RASA1: variants seen among roughly 807,000 people sequenced by gnomAD.
RASA1 encodes RAS p21 protein activator 1, also known as ras GTPase-activating protein 1.
In RASA1, 25 loss-of-function variants were observed where a neutral mutation model predicts 132.2. That is an observed-to-expected ratio of 0.19 (90% confidence interval 0.14 to 0.26). RASA1 has a LOEUF of 0.26. RASA1 is among the 10% of genes least tolerant of loss of function. The pLI is 1.00. For synonymous variants in RASA1, 477 were observed against 449.9 expected (o/e 1.06, Z -0.76); for missense variants, 964 against 1,299.2 (o/e 0.74, Z 3.97).
At chr5:87,344,167 T>C (rs1336846197) in intron 6 of RASA1, among the ~76,000 whole-genome samples, 1 of 152,066 alleles carries the variant, frequency 6.6e-6, no homozygotes, top group East Asian at 1.9e-4. Context: ...TATTTAAAAA[T>C]AACTAAAAGA....
intron 1 of RASA1, among the ~76,000 whole-genome samples, chr5:87,298,299 C>T (rs575094695): frequency 1.3e-3 from 192 of 151,660 alleles, no homozygotes; most frequent in African/African-American, 4.3e-3. Flanking sequence ...GTCCCAGCTA[C>T]TCGGGAGGCT....
At chr5:87,285,032 CCATTTATTTATTTATT>C (rs1561254670) in intron 1 of RASA1, among the ~76,000 whole-genome samples, 3 of 136,682 alleles carry the variant, frequency 2.2e-5, no homozygotes, top group Non-Finnish European at 4.7e-5. Flanking sequence ...GATAATGGTA[CCATTTATTTATTTATT>C]TATTTATTTA....
At chr5:87,375,282 T>TG (rs1335914197) in intron 15 of RASA1, among the ~76,000 whole-genome samples, 3 of 152,066 alleles carry the variant, frequency 2.0e-5, no homozygotes, top group Non-Finnish European at 4.4e-5. Flanking sequence ...TCTTTTGAGA[T>TG]GGAGTCTTGC....
At chr5:87,378,238 T>G (rs1249286693) in intron 17 of RASA1, among the ~76,000 whole-genome samples, 158 bp from the exon 18 acceptor site, 1 of 152,212 alleles carries the variant, frequency 6.6e-6, no homozygotes, top group Admixed American at 6.5e-5. Context: ...TCTGTAGAAG[T>G]ATAGGATGTC....
In RASA1 at chr5:87,335,482, A is replaced by G. The variant is rs574412679; in HGVS notation, c.899+2145A>G. 4.4e-5 allele frequency among the ~76,000 whole-genome samples: 6 copies of G among 135,888 alleles called. No individual in the cohort carries two copies. In the South Asian group the frequency reaches 6.9e-4, roughly 16 times the overall value. 89.1% of individuals were successfully genotyped at this position (135,888 alleles called of 152,430 possible). ...CTCTTGTCACCCAGGCTGGAGTGCA[A>G]TGGTGCCATCTTGGGTCACTGCAAC... is the stretch of plus-strand genomic sequence containing the variant. On this transcript the variant is annotated intron_variant, in intron 4 of 24. Coordinates refer to ENST00000274376, the MANE Select transcript of RASA1 (RefSeq NM_002890.3).
At chr5:87,358,760 A>G (rs1445801240) in intron 9 of RASA1, among the ~76,000 whole-genome samples, 2 of 152,100 alleles carry the variant, frequency 1.3e-5, no homozygotes, top group African/African-American at 4.8e-5. Flanking sequence ...TCTTCCTACT[A>G]TCCTCCTGCC....
In RASA1 at chr5:87,390,841, A is replaced by G. The variant is rs1462232114; in HGVS notation, c.3102A>G (p.Gln1034=). The change falls in exon 25 of 25, where the codon CAA becomes CAG. Residue 1034 remains glutamine (Q), a synonymous_variant. Coordinates refer to ENST00000274376, the MANE Select transcript of RASA1 (RefSeq NM_002890.3). ...KKLLAITELL[Q]QKQNQYTKTN... ...TTCTGGCTATAACAGAACTGCTTCA[A>G]CAAAAACAAAACCAGTATACAAAAA... is the stretch of plus-strand genomic sequence containing the variant. The G allele has an allele frequency of 1.9e-6, 3 of 1,613,756 alleles. No individual in the cohort carries two copies. The Admixed American group carries it at 5.0e-5, about 27-fold the overall frequency.
At chr5:87,357,610 C>T (rs1759748826) in intron 9 of RASA1, among the ~76,000 whole-genome samples, 1 of 152,032 alleles carries the variant, frequency 6.6e-6, no homozygotes, top group Admixed American at 6.6e-5. Flanking sequence ...GAGGCTGAGG[C>T]AGGAGAATCG....
chr5:87,369,659 C>CT (rs955599038), intron 11 of RASA1, among the ~76,000 whole-genome samples, 154 bp from the exon 12 acceptor site: 12 of 151,436 alleles, frequency 7.9e-5, no homozygotes, highest in Non-Finnish European at 1.3e-4. Context: ...ATATAGCTGA[C>CT]TTTTTTTTAG....
chr5:87,312,921 T>C (rs575108206), intron 1 of RASA1, among the ~76,000 whole-genome samples: 1 of 152,362 alleles, frequency 6.6e-6, no homozygotes, highest in South Asian at 2.1e-4. Flanking sequence ...TTCAGGTGTT[T>C]ATCAGGGAAT....
rs1417225762 is a variant in RASA1, at chr5:87,363,328, CAA to C, written c.1454-19_1454-18del. ...TCACAATTGTTTGGCTAAGAGAAAA[CAA>C]TTTTTTTTTTTAAACAGGCAAAGGA... On this transcript the variant is annotated intron_variant, in intron 10 of 24. Transcript: ENST00000274376. 5.1e-6 allele frequency: 8 copies of C among 1,575,542 alleles called. No individual in the cohort carries two copies. The highest frequency in any genetic ancestry group is 2.3e-5 in the East Asian group (1 of 44,334).
intron 16 of RASA1, 72 bp downstream of exon 16, chr5:87,376,637 TTAAGG>T (rs368754138): frequency 8.5e-6 from 13 of 1,532,030 alleles, no homozygotes; most frequent in Non-Finnish European, 1.1e-5. Context: ...AAAAGATCCA[TTAAGG>T]TAAACATAGT....
At position 87,268,593 on chromosome 5, in the gene RASA1, C is replaced by G. The variant is rs751164456; in HGVS notation, c.142C>G (p.Pro48Ala). 3 of 1,610,884 alleles carry G rather than the reference C, an allele frequency of 1.9e-6. No homozygotes were observed. Among genetic ancestry groups the G allele is most frequent in the Non-Finnish European group, 2.5e-6 (3 of 1,179,166 alleles). ...CGCGGCCCTGCCTGTGGCAGCCGCC[C>G]CCTATCCTGGGCTGGTGGAGACCGG... ...IPAALPVAAA[P>A]YPGLVETGVA... The change falls in exon 1 of 25, where the codon CCC (proline) becomes GCC (alanine). Residue 48 changes from proline to alanine, a missense_variant. Physicochemically the swap from Pro to Ala is conservative, Grantham distance 27. Transcript: ENST00000274376.
At chr5:87,333,962 T>C (rs1247963486) in intron 4 of RASA1, among the ~76,000 whole-genome samples, 1 of 152,176 alleles carries the variant, frequency 6.6e-6, no homozygotes, top group East Asian at 1.9e-4. Flanking sequence ...ATTACAAATT[T>C]ATGAATTTAG....
chr5:87,378,680 T>G (rs1210280284), intron 18 of RASA1, 142 bp downstream of exon 18: 3 of 883,500 alleles, frequency 3.4e-6, no homozygotes, highest in Middle Eastern at 3.5e-4. Flanking sequence ...CTGTAATACA[T>G]TTATAAAAAT....
At chr5:87,316,051 T>G (rs1756678093) in intron 1 of RASA1, among the ~76,000 whole-genome samples, 1 of 152,238 alleles carries the variant, frequency 6.6e-6, no homozygotes. Flanking sequence ...TAATACATTT[T>G]AAACTCACAT....
intron 20 of RASA1, 44 bp from the exon 21 acceptor site, chr5:87,383,667 TAG>T: frequency 7.2e-7 from 1 of 1,379,714 alleles, no homozygotes; most frequent in Non-Finnish European, 1.0e-6. Context: ...ACACATTATA[TAG>T]GTGTTTTCTA....
rs566202574 is a variant in RASA1, at chr5:87,296,402, C to T, written c.539+27412C>T. Among the ~76,000 whole-genome samples the T allele has an allele frequency of 3.7e-4, 56 of 152,068 alleles. 1 individual carries two copies. The South Asian group carries it at 7.1e-3, about 19-fold the overall frequency. On this transcript the variant is annotated intron_variant, in intron 1 of 24. Transcript: ENST00000274376. ...AAGAAAAATAAAAGTTTTTATTTTGCCTTCACTTGTTCTCTCATGTTCTTC... is the reference window on the plus strand; with the variant it reads ...AAGAAAAATAAAAGTTTTTATTTTGTCTTCACTTGTTCTCTCATGTTCTTC...
chr5:87,377,812 C>T (rs1761428041), intron 17 of RASA1, among the ~76,000 whole-genome samples: 1 of 152,062 alleles, frequency 6.6e-6, no homozygotes, highest in African/African-American at 2.4e-5. Flanking sequence ...TTCTAGGTTC[C>T]CCAAATAAAT....
Sources: allele counts gnomAD v4.1 joint callset (sites outside exome capture counted in the v4.1 genomes callset), GRCh38; gene constraint gnomAD v4.1.1; transcripts MANE v1.5; gene names NCBI Gene and HGNC (gene_info 2026-07-23, HGNC 2026-07-21).